The following GALNT13 variants were observed in gnomAD, a reference collection of about 807,000 sequenced individuals.
GALNT13 encodes the protein polypeptide N-acetylgalactosaminyltransferase 13, also known as UDP-GalNAc:polypeptide N-acetylgalactosaminyltransferase 13.
Under a neutral mutation model 64.2 loss-of-function variants are expected in GALNT13, and 28 were observed. The ratio of observed to expected loss-of-function variants is 0.44; its 90% CI spans 0.32 to 0.60. The LOEUF (loss-of-function observed/expected upper bound fraction) is 0.60. Ranked by LOEUF, GALNT13 falls within the 20% of genes least tolerant of loss-of-function variation. The pLI, the probability that GALNT13 is intolerant of heterozygous loss-of-function variation, is 0.05. For synonymous variants in GALNT13, 214 were observed against 224.6 expected (o/e 0.95, Z 0.42); for missense variants, 577 against 669.8 (o/e 0.86, Z 1.53).
the GALNT13 span, among the ~76,000 whole-genome samples, chr2:153,866,738 G>A: frequency 9.9e-5 from 15 of 152,162 alleles, no homozygotes; most frequent in African/African-American, 3.4e-4. Flanking sequence ...CTTTCATAAA[G>A]TCAACATTTT....
At chr2:153,192,450 A>G in the GALNT13 span, among the ~76,000 whole-genome samples, 1 of 151,012 alleles carries the variant, frequency 6.6e-6, no homozygotes, top group Non-Finnish European at 1.5e-5. Flanking sequence ...GTGGCCTAAC[A>G]TGTGGTCTAT....
the GALNT13 span, among the ~76,000 whole-genome samples, chr2:153,322,823 T>C: frequency 6.6e-6 from 1 of 152,222 alleles, no homozygotes; most frequent in Non-Finnish European, 1.5e-5. Context: ...GCAAAGGACA[T>C]GAACTCCTTC....
At chr2:154,142,072 A>C (rs1345890667) in intron 4 of GALNT13, among the ~76,000 whole-genome samples, 1 of 152,210 alleles carries the variant, frequency 6.6e-6, no homozygotes, top group African/African-American at 2.4e-5. Flanking sequence ...ACTGCAGGAC[A>C]CACTTCCATG....
the GALNT13 span, among the ~76,000 whole-genome samples, chr2:153,792,974 T>C: frequency 0.09 from 11,111 of 122,832 alleles, 848 homozygotes; most frequent in African/African-American, 0.26. Flanking sequence ...TTCTTTCTTT[T>C]TTTTTTTTTT....
the GALNT13 span, among the ~76,000 whole-genome samples, chr2:153,226,998 A>AT: frequency 6.6e-6 from 1 of 152,238 alleles, no homozygotes; most frequent in South Asian, 2.1e-4. Flanking sequence ...AGAGGTCTTT[A>AT]TTTTTTTCTT....
chr2:154,361,534 T>C (rs1391884491), intron 9 of GALNT13, among the ~76,000 whole-genome samples: 1 of 152,074 alleles, frequency 6.6e-6, no homozygotes, highest in Non-Finnish European at 1.5e-5. Flanking sequence ...TTTATCATTT[T>C]GCTGTAATAC....
intron 3 of GALNT13, among the ~76,000 whole-genome samples, chr2:154,081,457 C>T: frequency 6.6e-6 from 1 of 151,568 alleles, no homozygotes; most frequent in East Asian, 1.9e-4. Context: ...CATCATTTCC[C>T]TCAATGTGAC....
chr2:153,441,859 G>T, the GALNT13 span, among the ~76,000 whole-genome samples: 6 of 152,094 alleles, frequency 3.9e-5, no homozygotes, highest in East Asian at 1.2e-3. Context: ...TGAGACAATG[G>T]GGTTTCCTAA....
At chr2:154,350,252 G>A (rs1468279834) in intron 9 of GALNT13, among the ~76,000 whole-genome samples, 1 of 152,164 alleles carries the variant, frequency 6.6e-6, no homozygotes, top group Non-Finnish European at 1.5e-5. Context: ...TGAGTCAGTG[G>A]ACTGGGCGAG....
intron 8 of GALNT13, among the ~76,000 whole-genome samples, chr2:154,299,788 G>A (rs1468646266): frequency 6.6e-6 from 1 of 151,924 alleles, no homozygotes; most frequent in Non-Finnish European, 1.5e-5. Context: ...ATTTAAGAAT[G>A]AGCTTCCCTG....
At chr2:153,848,045 C>T in the GALNT13 span, among the ~76,000 whole-genome samples, 1 of 152,186 alleles carries the variant, frequency 6.6e-6, no homozygotes, top group Non-Finnish European at 1.5e-5. Context: ...TGTTCAGGTA[C>T]TTCAAGCTCT....
chr2:154,291,508 T>G (rs565509832), intron 8 of GALNT13, among the ~76,000 whole-genome samples: 1 of 152,308 alleles, frequency 6.6e-6, no homozygotes, highest in Admixed American at 6.5e-5. Context: ...TGGGGGACTT[T>G]GCGGCACCTA....
chr2:154,147,011 T>G (rs933515726), intron 4 of GALNT13, among the ~76,000 whole-genome samples: 1 of 152,080 alleles, frequency 6.6e-6, no homozygotes, highest in Admixed American at 6.6e-5. Flanking sequence ...GTTAATCTGT[T>G]TTTTGTTAGT....
intron 3 of GALNT13, among the ~76,000 whole-genome samples, chr2:154,102,395 C>T (rs1028111244): frequency 6.6e-6 from 1 of 152,108 alleles, no homozygotes; most frequent in Non-Finnish European, 1.5e-5. Context: ...CCTGGCTAAC[C>T]AGAGGTCCTG....
the GALNT13 span, among the ~76,000 whole-genome samples, chr2:153,566,162 T>A: frequency 1.3e-5 from 2 of 152,140 alleles, no homozygotes; most frequent in African/African-American, 4.8e-5. Context: ...AACAGAATTC[T>A]TTATTTGGAA....
the GALNT13 span, among the ~76,000 whole-genome samples, chr2:153,818,492 C>G: frequency 6.6e-6 from 1 of 152,210 alleles, no homozygotes; most frequent in Non-Finnish European, 1.5e-5. Flanking sequence ...AGTGCCCAGA[C>G]AGCAGACTGT....
the GALNT13 span, among the ~76,000 whole-genome samples, chr2:153,242,367 TAGAA>T: frequency 5.9e-5 from 9 of 151,634 alleles, no homozygotes; most frequent in African/African-American, 1.7e-4. Context: ...ATTCCAAATC[TAGAA>T]AGAAAGAAAG....
At chr2:153,589,239 C>T in the GALNT13 span, among the ~76,000 whole-genome samples, 1 of 152,178 alleles carries the variant, frequency 6.6e-6, no homozygotes, top group African/African-American at 2.4e-5. Context: ...AAAATGCCGC[C>T]AGTCTCTTTG....
chr2:154,414,742 G>A (rs1301798308), intron 11 of GALNT13, among the ~76,000 whole-genome samples: 4 of 151,534 alleles, frequency 2.6e-5, no homozygotes, highest in African/African-American at 4.8e-5. Flanking sequence ...AAATATTATC[G>A]CCCTGGTCAT....
Sources: gnomAD v4.1 joint callset for allele counts (sites outside exome capture counted in the v4.1 genomes callset) on GRCh38, gnomAD v4.1.1 for gene constraint, MANE v1.5 for transcripts, NCBI Gene and HGNC (gene_info 2026-07-23, HGNC 2026-07-21) for gene names.